The following HMBOX1 variants were observed in gnomAD, a reference collection of about 807,000 sequenced individuals.
HMBOX1 encodes the protein homeobox-containing protein 1.
A neutral mutation model predicts 54.5 loss-of-function variants in HMBOX1; 14 were observed. That is an observed-to-expected ratio of 0.26 (90% CI 0.17 to 0.40). The LOEUF (loss-of-function observed/expected upper bound fraction) is 0.40. Ranked by LOEUF, HMBOX1 falls within the 10% of genes least tolerant of loss-of-function variation. The pLI, the probability that HMBOX1 is intolerant of heterozygous loss-of-function variation, is 1.00. For missense variants in HMBOX1, 332 were observed against 514.4 expected (o/e 0.65, Z 3.43); for synonymous variants, 160 against 181.0 (o/e 0.88, Z 0.93).
chr8:29,014,719 G>T (rs13439785), intron 5 of HMBOX1, among the ~76,000 whole-genome samples: 3 of 151,492 alleles, frequency 2.0e-5, no homozygotes, highest in African/African-American at 7.3e-5. Flanking sequence ...TCACTCTGTC[G>T]CCCAGGCTGG....
chr8:28,968,072 A>G (rs1415453677), intron 2 of HMBOX1, among the ~76,000 whole-genome samples: 1 of 152,240 alleles, frequency 6.6e-6, no homozygotes, highest in Non-Finnish European at 1.5e-5. Context: ...AGACTATCCA[A>G]AGGTAATGCA....
intron 6 of HMBOX1, among the ~76,000 whole-genome samples, chr8:29,040,581 C>CT (rs1446153748): frequency 6.6e-6 from 1 of 152,064 alleles, no homozygotes; most frequent in Non-Finnish European, 1.5e-5. Flanking sequence ...GCTAACAGTC[C>CT]TTTGTATACA....
intron 5 of HMBOX1, among the ~76,000 whole-genome samples, chr8:29,017,573 T>C (rs566692827): frequency 6.6e-6 from 1 of 152,352 alleles, no homozygotes; most frequent in South Asian, 2.1e-4. Context: ...TAGTTATGTA[T>C]AGGTGGGATA....
Position 28,995,777 on chromosome 8 carries a change from A to G in HMBOX1, c.587-13295A>G, listed in dbSNP as rs138028639. Among the ~76,000 whole-genome samples the G allele has an allele frequency of 2.6e-5, 4 of 152,252 alleles. No homozygotes were observed. The East Asian group carries it at 5.8e-4, about 22-fold the overall frequency. On this transcript the variant is annotated intron_variant, in intron 4 of 9. Transcript: ENST00000287701. ...GTTATTTATGTATGTTTTTGGAAAA[A>G]TGTCTAGCCAAATCCTTTGTCCATT... is the stretch of plus-strand genomic sequence containing the variant.
At chr8:28,915,285 C>T (rs1816287402) in intron 1 of HMBOX1, among the ~76,000 whole-genome samples, 1 of 152,000 alleles carries the variant, frequency 6.6e-6, no homozygotes, top group Non-Finnish European at 1.5e-5. Context: ...TGACTGGGCG[C>T]CGTGGCTCAC....
At chr8:28,936,103 A>C (rs1820360140) in intron 1 of HMBOX1, among the ~76,000 whole-genome samples, 1 of 152,150 alleles carries the variant, frequency 6.6e-6, no homozygotes, top group African/African-American at 2.4e-5. Flanking sequence ...TCCCCTTGAA[A>C]AATGCTAAGT....
intron 4 of HMBOX1, among the ~76,000 whole-genome samples, chr8:28,981,066 ATAT>A (rs1476275312): frequency 7.9e-5 from 12 of 152,264 alleles, no homozygotes; most frequent in African/African-American, 2.6e-4. Flanking sequence ...TGATTTAAAG[ATAT>A]TATTTCTGTT....
At chr8:29,015,428 A>G (rs961118818) in intron 5 of HMBOX1, among the ~76,000 whole-genome samples, 2 of 152,134 alleles carry the variant, frequency 1.3e-5, no homozygotes, top group African/African-American at 4.8e-5. Context: ...CTTTATCTTG[A>G]TCAGCCATGA....
chr8:28,953,987 C>T (rs1352032914), intron 1 of HMBOX1, among the ~76,000 whole-genome samples: 3 of 152,124 alleles, frequency 2.0e-5, no homozygotes, highest in African/African-American at 7.2e-5. Context: ...GTCAGTAGCA[C>T]TGAGAGTTTA....
At chr8:29,050,292 T>C (rs1463471655) in intron 9 of HMBOX1, 2 of 849,020 alleles carry the variant, frequency 2.4e-6, no homozygotes, top group East Asian at 1.2e-4. Flanking sequence ...CCATCTTCAG[T>C]GCCTGACGTA....
intron 1 of HMBOX1, among the ~76,000 whole-genome samples, chr8:28,906,540 G>A (rs1056576310): frequency 1.3e-5 from 2 of 152,080 alleles, no homozygotes; most frequent in East Asian, 1.9e-4. Context: ...CAAACATGAC[G>A]TATGTAGAGA....
intron 7 of HMBOX1, 66 bp downstream of exon 7, chr8:29,045,509 G>T: frequency 7.8e-7 from 1 of 1,279,790 alleles, no homozygotes; most frequent in Non-Finnish European, 1.1e-6. Flanking sequence ...TTGGCATCTA[G>T]GACACTTAAT....
chr8:29,026,956 A>G (rs983064794), intron 6 of HMBOX1, among the ~76,000 whole-genome samples: 6 of 152,216 alleles, frequency 3.9e-5, no homozygotes, highest in Non-Finnish European at 8.8e-5. Flanking sequence ...TGAAGCTGGT[A>G]TGTAGGGGGT....
At position 28,945,162 on chromosome 8, in the gene HMBOX1, T is replaced by C. The variant is rs926166419; in HGVS notation, c.-57-18649T>C. On this transcript the variant is annotated intron_variant, in intron 1 of 9. Transcript: ENST00000287701. ...TTAGAAAGGTTAATGCTTCAAACTT[T>C]CAAAGAGGCAAAAGTGCTAACATTT... Among the ~76,000 whole-genome samples, 6 of 152,222 alleles carry C rather than the reference T, an allele frequency of 3.9e-5. No individual in the cohort carries two copies. In the East Asian group the frequency reaches 7.7e-4, roughly 20 times the overall value.
At chr8:28,893,602 G>A (rs1229235051) in intron 1 of HMBOX1, among the ~76,000 whole-genome samples, 1 of 152,152 alleles carries the variant, frequency 6.6e-6, no homozygotes, top group Non-Finnish European at 1.5e-5. Context: ...CAGTCTTCTA[G>A]CCCAAATCCT....
intron 4 of HMBOX1, among the ~76,000 whole-genome samples, chr8:28,997,228 C>T (rs1563550131): frequency 6.6e-6 from 1 of 152,126 alleles, no homozygotes; most frequent in East Asian, 1.9e-4. Context: ...CGTATGATGT[C>T]AGCTGTTGTT....
chr8:29,044,091 C>A (rs764607674), intron 6 of HMBOX1, among the ~76,000 whole-genome samples: 7 of 152,034 alleles, frequency 4.6e-5, no homozygotes, highest in Non-Finnish European at 1.0e-4. Flanking sequence ...GGCAGTGAAG[C>A]CATGCCCTCC....
At chr8:28,896,364 T>A (rs758376878) in intron 1 of HMBOX1, among the ~76,000 whole-genome samples, 1 of 152,268 alleles carries the variant, frequency 6.6e-6, no homozygotes, top group African/African-American at 2.4e-5. Context: ...TGTATAGTTC[T>A]ATGCCATTTT....
At chr8:28,925,928 G>A (rs1429775574) in intron 1 of HMBOX1, among the ~76,000 whole-genome samples, 1 of 152,116 alleles carries the variant, frequency 6.6e-6, no homozygotes, top group Non-Finnish European at 1.5e-5. Flanking sequence ...GTGTCTTGAT[G>A]GTTAAATGAT....
Sources: allele counts gnomAD v4.1 joint callset (sites outside exome capture counted in the v4.1 genomes callset), GRCh38; gene constraint gnomAD v4.1.1; transcripts MANE v1.5; gene names NCBI Gene and HGNC (gene_info 2026-07-23, HGNC 2026-07-21).